The following DMBT1 variants were observed in gnomAD, a reference collection of about 807,000 sequenced individuals.
The protein encoded by DMBT1 is scavenger receptor cysteine-rich domain-containing protein DMBT1.
In DMBT1, 198 loss-of-function variants were observed where a neutral mutation model predicts 252.9. That is an observed-to-expected ratio of 0.78 (90% CI 0.70 to 0.88). The LOEUF is 0.88. Ranked by LOEUF, DMBT1 falls within the 40% of genes least tolerant of loss-of-function variation. The pLI is 0.00. For synonymous variants in DMBT1, 990 were observed against 942.7 expected, an observed-to-expected ratio of 1.05 and a Z score of -0.92; for missense variants, 2,432 against 2,404.7, an observed-to-expected ratio of 1.01 and a Z score of -0.24.
intron 44 of DMBT1, among the ~76,000 whole-genome samples, chr10:122,624,870 C>G (rs2098105094): frequency 6.7e-6 from 1 of 150,310 alleles, no homozygotes. Flanking sequence ...GACCTTGGGC[C>G]TCTATTTTAG....
intron 13 of DMBT1, 70 bp from the exon 14 acceptor site, chr10:122,584,252 C>T: frequency 2.6e-6 from 1 of 381,284 alleles, no homozygotes; most frequent in Non-Finnish European, 4.5e-6. Flanking sequence ...CTGTTTAGTT[C>T]CTTCCACCTT....
intron 4 of DMBT1, among the ~76,000 whole-genome samples, chr10:122,571,353 C>T (rs373779050): frequency 5.9e-5 from 9 of 152,218 alleles, no homozygotes; most frequent in African/African-American, 1.9e-4. Context: ...AGCAGCATCA[C>T]GACAACCCCT....
chr10:122,643,471 G>A lies in DMBT1; in HGVS notation c.*73G>A. ...TCGGGGACTTGGGATGTTCCTCTTG[G>A]TGTCATATTCCAACTCAGATTGAGC... On this transcript the variant is annotated 3_prime_UTR_variant, in exon 56 of 56. Transcript: ENST00000338354. 1.3e-6 allele frequency: 2 copies of A among 1,518,058 alleles called. No individual in the cohort carries two copies. The highest frequency in any genetic ancestry group is 2.5e-5 in the South Asian group (2 of 79,844). The allele number at this position is 1,518,058 out of a possible 1,614,324, so 94.0% of individuals were successfully genotyped here. A position where few individuals can be genotyped will look rare whatever the true frequency, so the allele number is the denominator to read the frequency against.
chr10:122,625,919 A>ATT lies in DMBT1; in HGVS notation c.5636-6_5636-5dup. On this transcript the variant is annotated splice_polypyrimidine_tract_variant and intron_variant, in intron 45 of 55. Coordinates refer to ENST00000338354, the MANE Select transcript of DMBT1 (RefSeq NM_001377530.1). ...ATCTACTAAAATCCTAAACAGCTTC[A>ATT]TTTTTTTTTCTAGATTGGTGGCATC... 2 of 1,584,586 alleles carry ATT rather than the reference A, an allele frequency of 1.3e-6. No individual in the cohort carries two copies. The highest frequency in any genetic ancestry group is 1.7e-6 in the Non-Finnish European group (2 of 1,155,394).
chr10:122,600,462 C>T (rs1189605395), intron 27 of DMBT1, among the ~76,000 whole-genome samples: 1 of 152,192 alleles, frequency 6.6e-6, no homozygotes, highest in Non-Finnish European at 1.5e-5. Context: ...TTCAAGGCAT[C>T]ATCAGGGCAG....
chr10:122,621,100 C>G lies in DMBT1; in HGVS notation c.5328C>G (p.Asp1776Glu), dbSNP rs779978408. The G allele has an allele frequency of 6.2e-7, 1 of 1,613,568 alleles. No individual in the cohort carries two copies. Among genetic ancestry groups the G allele is most frequent in the Non-Finnish European group, 8.5e-7 (1 of 1,179,738 alleles). The change falls in exon 44 of 56, where the codon GAC (aspartate) becomes GAG (glutamate). Residue 1776 changes from aspartate to glutamate, a missense_variant. Around this residue, in one of 3 missense-constraint regions of DMBT1, gnomAD observed 1,162 missense variants for 1,169.0 expected, o/e 0.99. Transcript: ENST00000338354. ...SLALRLVNGG[D>E]RCRGRVEVLY... ...CTCTGAGGCTGGTGAATGGAGGTGA[C>G]AGGTGTCGAGGCCGAGTGGAGGTCC...
At chr10:122,637,087 T>C in intron 53 of DMBT1, 41 bp from the exon 54 acceptor site, 1 of 1,588,066 alleles carries the variant, frequency 6.3e-7, no homozygotes, top group Non-Finnish European at 8.6e-7. Flanking sequence ...TTGTGGAGTC[T>C]GGGGCAGTGA....
intron 40 of DMBT1, among the ~76,000 whole-genome samples, chr10:122,617,522 G>A (rs1013155371): frequency 6.6e-6 from 1 of 151,514 alleles, no homozygotes; most frequent in Non-Finnish European, 1.5e-5. Context: ...GCACTGGAAG[G>A]CTCCCTAATC....
intron 19 of DMBT1, 147 bp from the exon 20 acceptor site, chr10:122,592,125 A>C: frequency 7.4e-7 from 1 of 1,356,776 alleles, no homozygotes; most frequent in Non-Finnish European, 1.0e-6. Context: ...CAGTATGATG[A>C]AGCTGAACCT....
intron 55 of DMBT1, among the ~76,000 whole-genome samples, chr10:122,642,412 A>G (rs1844729213): frequency 6.6e-6 from 1 of 152,122 alleles, no homozygotes; most frequent in Non-Finnish European, 1.5e-5. Flanking sequence ...AATCCCACCA[A>G]TCTATAATAA....
At chr10:122,580,976 G>T in intron 11 of DMBT1, 81 bp downstream of exon 11, 1 of 1,546,620 alleles carries the variant, frequency 6.5e-7, no homozygotes, top group Non-Finnish European at 8.8e-7. Context: ...GAGCTCTCCT[G>T]TTTCTCTGTG....
At chr10:122,600,870 C>T (rs933128925) in intron 27 of DMBT1, 121 bp from the exon 28 acceptor site, 10 of 776,562 alleles carry the variant, frequency 1.3e-5, no homozygotes, top group African/African-American at 1.0e-4. Context: ...ACATGGGAAG[C>T]AAGTGGCAGG....
In DMBT1 at chr10:122,586,502, C is replaced by T; in HGVS notation, c.1783+119C>T. 3 of 1,428,260 alleles carry T rather than the reference C, an allele frequency of 2.1e-6. 1 individual carries two copies. The highest frequency in any genetic ancestry group is 2.8e-6 in the Non-Finnish European group (3 of 1,067,174). 88.5% of individuals were successfully genotyped at this position (1,428,260 alleles called of 1,614,324 possible). ...AACTTTTCCTATATTTCTGATACCT[C>T]CTTAGCTCTCTCCTAGGAAACCGCA... On this transcript the variant is annotated intron_variant, in intron 16 of 55. Coordinates refer to ENST00000338354, the MANE Select transcript of DMBT1 (RefSeq NM_001377530.1).
chr10:122,632,742 G>C (rs2098175941), intron 50 of DMBT1, 119 bp from the exon 51 acceptor site: 1 of 1,355,720 alleles, frequency 7.4e-7, no homozygotes, highest in African/African-American at 1.4e-5. Context: ...GGCAAGGCCT[G>C]TGTCCAGCTC....
Position 122,631,157 on chromosome 10 carries a change from T to C in DMBT1, c.6222T>C (p.Ser2074=). 1 of 1,614,040 alleles carries C rather than the reference T, an allele frequency of 6.2e-7. No individual in the cohort carries two copies. Among genetic ancestry groups the C allele is most frequent in the Non-Finnish European group, 8.5e-7 (1 of 1,179,902 alleles). ...GAAATGCATATTTTGGCTCTGGCTC[T>C]GGCCCCATCACCCTGGACGATGTAG... is the stretch of plus-strand genomic sequence containing the variant. ...ALGNAYFGSG[S]GPITLDDVEC... Residue 2074 remains serine (S), a synonymous_variant, in exon 49 of 56, where the codon TCT becomes TCC. Coordinates refer to ENST00000338354, the MANE Select transcript of DMBT1 (RefSeq NM_001377530.1).
chr10:122,577,572 A>T lies in DMBT1; in HGVS notation c.608-239A>T, dbSNP rs116419194. Among the ~76,000 whole-genome samples the T allele has an allele frequency of 7.3e-3, 1,105 of 152,242 alleles. 12 individuals carry two copies. The highest frequency in any genetic ancestry group is 0.025 in the African/African-American group (1,051 of 41,540). On this transcript the variant is annotated intron_variant, in intron 7 of 55. Transcript: ENST00000338354. ...TACCGAGGTTGTTGTGGCCGGTCCCAGGCACCGAAGTGACCTTCATATCCC... is the reference window on the plus strand; with the variant it reads ...TACCGAGGTTGTTGTGGCCGGTCCCTGGCACCGAAGTGACCTTCATATCCC...
chr10:122,640,047 A>G lies in DMBT1; in HGVS notation c.6950A>G (p.Asn2317Ser), dbSNP rs567110840. Reference protein sequence around the residue: ...SGCGTFKQADNDTIDYSNFLT... With the variant: ...SGCGTFKQADSDTIDYSNFLT... ...CTTGCCTGCCTCTCCTAGGCAGACA[A>G]TGACACCATCGACTATTCCAACTTC... The change falls in exon 55 of 56, where the codon AAT (asparagine) becomes AGT (serine). Residue 2317 changes from asparagine (N) to serine (S), a missense_variant. This residue lies in a region of DMBT1 where 1,162 missense variants were observed against 1,169.0 expected (regional missense o/e 0.99). Coordinates refer to ENST00000338354, the MANE Select transcript of DMBT1 (RefSeq NM_001377530.1). The G allele has an allele frequency of 6.8e-6, 11 of 1,613,620 alleles. No individual in the cohort carries two copies. The highest frequency in any genetic ancestry group is 6.7e-5 in the East Asian group (3 of 44,866).
chr10:122,574,377 T>C (rs1031391083), intron 6 of DMBT1, among the ~76,000 whole-genome samples: 40 of 152,270 alleles, frequency 2.6e-4, no homozygotes, highest in African/African-American at 9.6e-4. Context: ...CCATGGGAAA[T>C]CTTGGCCCTA....
At chr10:122,620,196 T>C (rs565405343) in intron 42 of DMBT1, 57 bp from the exon 43 acceptor site, 2 of 1,571,662 alleles carry the variant, frequency 1.3e-6, no homozygotes, top group South Asian at 2.2e-5. Flanking sequence ...AGATTTTTTT[T>C]TGTAGCTTTC....
Sources: gnomAD v4.1 joint callset for allele counts (sites outside exome capture counted in the v4.1 genomes callset) on GRCh38, gnomAD v4.1.1 for gene constraint, gnomAD v4.1.1 regional missense constraint, MANE v1.5 for transcripts, NCBI Gene and HGNC (gene_info 2026-07-23, HGNC 2026-07-21) for gene names.